The following NOPCHAP1 variants were observed in gnomAD, a reference collection of about 807,000 sequenced individuals.
NOPCHAP1 encodes NOP protein chaperone 1.
A neutral mutation model predicts 14.0 loss-of-function variants in NOPCHAP1; 13 were observed. The observed-to-expected ratio is 0.93, with a 90% CI of 0.60 to 1.47. The LOEUF (loss-of-function observed/expected upper bound fraction) is 1.47. Ranked by LOEUF, NOPCHAP1 falls within the 40% of genes most tolerant of loss-of-function variation. The probability of loss-of-function intolerance (pLI) is 0.00; values close to 1 mark genes in which losing one functional copy is unlikely to be tolerated. For synonymous variants in NOPCHAP1, 78 were observed against 78.4 expected (o/e 1.00, Z 0.03); for missense variants, 230 against 226.9 (o/e 1.01, Z -0.09).
At chr12:104,988,075 T>A in intron 1 of NOPCHAP1, 92 bp from the exon 2 acceptor site, 1 of 1,007,094 alleles carries the variant, frequency 9.9e-7, no homozygotes, top group Non-Finnish European at 1.5e-6. Flanking sequence ...GACAGTCAAG[T>A]CTTAAGACTG....
Position 105,013,954 on chromosome 12 carries a change from T to G in NOPCHAP1, c.*19258T>G, listed in dbSNP as rs1287416250. The stretch of plus-strand genomic sequence containing the variant: ...TCTCGCTGGGAGCTGCAGACCGGAG[T>G]TGTTCCTATTTGGCCATCTTGCCAG... On this transcript the variant is annotated 3_prime_UTR_variant, in exon 4 of 4. Coordinates refer to ENST00000552951, the MANE Select transcript of NOPCHAP1 (RefSeq NM_152318.3). 2 of 151,628 alleles carry G rather than the reference T, an allele frequency of 1.3e-5. No homozygotes were observed. Among genetic ancestry groups the G allele is most frequent in the East Asian group, 3.9e-4 (2 of 5,148 alleles). The allele number at this position is 151,628 out of a possible 1,614,324, so 9.4% of individuals were successfully genotyped here. A position where few individuals can be genotyped will look rare whatever the true frequency, so the allele number is the denominator to read the frequency against.
At position 104,994,424 on chromosome 12, in the gene NOPCHAP1, C is replaced by T. The variant is rs189558592; in HGVS notation, c.340-54C>T. The stretch of plus-strand genomic sequence containing the variant: ...GGTTCTTCCCAATATTGTTTTATTA[C>T]GACTTTTTAAGGAACTGCTCTGAAA... On this transcript the variant is annotated intron_variant, in intron 3 of 3. Coordinates refer to ENST00000552951, the MANE Select transcript of NOPCHAP1 (RefSeq NM_152318.3). 128 of 1,445,322 alleles carry T rather than the reference C, an allele frequency of 8.9e-5. No individual in the cohort carries two copies. In the African/African-American group the frequency reaches 1.4e-3, roughly 16 times the overall value. The allele number at this position is 1,445,322 out of a possible 1,614,324, so 89.5% of individuals were successfully genotyped here. A position where few individuals can be genotyped will look rare whatever the true frequency, so the allele number is the denominator to read the frequency against.
Position 105,005,788 on chromosome 12 carries a change from A to G in NOPCHAP1, c.*11092A>G, listed in dbSNP as rs1164806464. Reference sequence around the variant, plus strand: ...TCAGTTTCTCTAAAAATATGTCTATACAGTACCAATCTTCTACCATTTGCT... The same window carrying G: ...TCAGTTTCTCTAAAAATATGTCTATGCAGTACCAATCTTCTACCATTTGCT... On this transcript the variant is annotated 3_prime_UTR_variant, in exon 4 of 4. Transcript: ENST00000552951. 1 of 152,212 alleles carries G rather than the reference A, an allele frequency of 6.6e-6. No individual in the cohort carries two copies. The allele number at this position is 152,212 out of a possible 1,614,324, so 9.4% of individuals were successfully genotyped here. A position where few individuals can be genotyped will look rare whatever the true frequency, so the allele number is the denominator to read the frequency against.
At chr12:104,990,840 A>G (rs1213722461) in intron 2 of NOPCHAP1, among the ~76,000 whole-genome samples, 2 of 152,222 alleles carry the variant, frequency 1.3e-5, no homozygotes, top group Non-Finnish European at 2.9e-5. Context: ...CCTTAAGCAA[A>G]AAAAGAAATT....
chr12:104,992,791 G>C (rs1313730507), intron 3 of NOPCHAP1, among the ~76,000 whole-genome samples: 2 of 152,150 alleles, frequency 1.3e-5, no homozygotes, highest in African/African-American at 4.8e-5. Context: ...AGGTTGTTGT[G>C]CGCTCTTTAT....
In NOPCHAP1 at chr12:105,015,121, T is replaced by A. The variant is rs374897526; in HGVS notation, c.*20425T>A. Reference sequence around the variant, plus strand: ...TCTTATTGGAAATTGGAACCAGCTCTCCTTGACTGTGACTCACTCGCTAAA... The same window carrying A: ...TCTTATTGGAAATTGGAACCAGCTCACCTTGACTGTGACTCACTCGCTAAA... On this transcript the variant is annotated 3_prime_UTR_variant, in exon 4 of 4. Transcript: ENST00000552951. 43 of 152,372 alleles carry A rather than the reference T, an allele frequency of 2.8e-4. No homozygotes were observed. Among genetic ancestry groups the A allele is most frequent in the African/African-American group, 1.0e-3 (42 of 41,590 alleles). The allele number at this position is 152,372 out of a possible 1,614,324, so 9.4% of individuals were successfully genotyped here.
In NOPCHAP1 at chr12:104,986,487, G is replaced by A; in HGVS notation, c.115+20G>A. ...GCGGAGGTGACGGACGGGTGACGGC[G>A]GCATGGGCCGCACACGTGCGGCAGA... On this transcript the variant is annotated intron_variant, in intron 1 of 3. Coordinates refer to ENST00000552951, the MANE Select transcript of NOPCHAP1 (RefSeq NM_152318.3). 1 of 1,575,880 alleles carries A rather than the reference G, an allele frequency of 6.3e-7. No homozygotes were observed. Among genetic ancestry groups the A allele is most frequent in the Non-Finnish European group, 8.6e-7 (1 of 1,158,008 alleles).
chr12:104,989,042 A>G (rs76534636), intron 2 of NOPCHAP1, among the ~76,000 whole-genome samples: 15,927 of 150,566 alleles, frequency 0.11, 989 homozygotes, highest in East Asian at 0.17. Context: ...AGAAATTGCT[A>G]TTTTGCATTT....
In NOPCHAP1 at chr12:104,997,275, AG is replaced by A. The variant is rs1289849350; in HGVS notation, c.*2580del. The A allele has an allele frequency of 6.6e-6, 1 of 152,218 alleles. No homozygotes were observed. Among genetic ancestry groups the A allele is most frequent in the Non-Finnish European group, 1.5e-5 (1 of 68,044 alleles). The allele number at this position is 152,218 out of a possible 1,614,324, so 9.4% of individuals were successfully genotyped here. On this transcript the variant is annotated 3_prime_UTR_variant, in exon 4 of 4. Coordinates refer to ENST00000552951, the MANE Select transcript of NOPCHAP1 (RefSeq NM_152318.3). ...CTCCCTTCCAAAACTCTTGTAAGGC[AG>A]ATCTGATGTTAACAAATTCCCTTAG...
In NOPCHAP1 at chr12:104,995,027, G is replaced by C. The variant is rs1873469542; in HGVS notation, c.*331G>C. ...TAAGGCAAAGAGGAGACCTAAGGCT[G>C]CCTGATGTCCCATAGGTATGGTCTG... On this transcript the variant is annotated 3_prime_UTR_variant, in exon 4 of 4. Coordinates refer to ENST00000552951, the MANE Select transcript of NOPCHAP1 (RefSeq NM_152318.3). The C allele has an allele frequency of 3.2e-6, 1 of 315,306 alleles. No homozygotes were observed. Among genetic ancestry groups the C allele is most frequent in the Admixed American group, 5.1e-5 (1 of 19,588 alleles). The allele number at this position is 315,306 out of a possible 1,614,324, so 19.5% of individuals were successfully genotyped here.
chr12:104,989,915 T>C (rs1382343012), intron 2 of NOPCHAP1, among the ~76,000 whole-genome samples: 1 of 152,240 alleles, frequency 6.6e-6, no homozygotes, highest in Non-Finnish European at 1.5e-5. Flanking sequence ...TCAAGGTAGA[T>C]ACAGTTTCCA....
intron 2 of NOPCHAP1, among the ~76,000 whole-genome samples, chr12:104,991,441 A>C (rs779804285): frequency 6.6e-6 from 1 of 152,186 alleles, no homozygotes; most frequent in Non-Finnish European, 1.5e-5. Context: ...CTGCCTCCCT[A>C]TTTAGTTACT....
chr12:104,987,533 G>A (rs1304299679), intron 1 of NOPCHAP1, among the ~76,000 whole-genome samples: 1 of 152,202 alleles, frequency 6.6e-6, no homozygotes, highest in Non-Finnish European at 1.5e-5. Context: ...TAACCAGAGA[G>A]TTAAGGGATT....
At position 105,015,877 on chromosome 12, in the gene NOPCHAP1, A is replaced by G. The variant is rs1175210355; in HGVS notation, c.*21181A>G. On this transcript the variant is annotated 3_prime_UTR_variant, in exon 4 of 4. Coordinates refer to ENST00000552951, the MANE Select transcript of NOPCHAP1 (RefSeq NM_152318.3). The stretch of plus-strand genomic sequence containing the variant: ...AGATTAGATTCTCTAGCCTCATATC[A>G]TATGCAAAGATAAATTATATATGGA... 3.3e-5 allele frequency: 5 copies of G among 152,242 alleles called. No individual in the cohort carries two copies. Among genetic ancestry groups the G allele is most frequent in the Admixed American group, 1.3e-4 (2 of 15,284 alleles). The allele number at this position is 152,242 out of a possible 1,614,324, so 9.4% of individuals were successfully genotyped here. A position where few individuals can be genotyped will look rare whatever the true frequency, so the allele number is the denominator to read the frequency against.
At position 105,009,514 on chromosome 12, in the gene NOPCHAP1, G is replaced by A. The variant is rs575806720; in HGVS notation, c.*14818G>A. On this transcript the variant is annotated 3_prime_UTR_variant, in exon 4 of 4. Transcript: ENST00000552951. ...TCCAATACTATGTTGAATAGGAGTGGTGAGAGAGGGCATCCTTGTTTTGTG... is the reference window on the plus strand; with the variant it reads ...TCCAATACTATGTTGAATAGGAGTGATGAGAGAGGGCATCCTTGTTTTGTG... 6.6e-6 allele frequency: 1 copy of A among 152,264 alleles called. No individual in the cohort carries two copies. The highest frequency in any genetic ancestry group is 1.5e-5 in the Non-Finnish European group (1 of 68,032). The allele number at this position is 152,264 out of a possible 1,614,324, so 9.4% of individuals were successfully genotyped here.
At chr12:104,991,013 G>C (rs929272373) in intron 2 of NOPCHAP1, among the ~76,000 whole-genome samples, 2 of 152,138 alleles carry the variant, frequency 1.3e-5, no homozygotes, top group African/African-American at 4.8e-5. Context: ...CCCAGGTGTG[G>C]AGAGTTGCCA....
At chr12:104,986,491 T>C (rs1241015615) in intron 1 of NOPCHAP1, 24 bp downstream of exon 1, 1 of 1,570,230 alleles carries the variant, frequency 6.4e-7, no homozygotes, top group Non-Finnish European at 8.7e-7. Flanking sequence ...GACGGCGGCA[T>C]GGGCCGCACA....
chr12:104,993,324 C>T (rs537069509), intron 3 of NOPCHAP1, among the ~76,000 whole-genome samples: 2 of 152,132 alleles, frequency 1.3e-5, no homozygotes, highest in Non-Finnish European at 2.9e-5. Flanking sequence ...CAGCCACTGA[C>T]AATACATACA....
At chr12:104,989,469 C>A (rs750546315) in intron 2 of NOPCHAP1, among the ~76,000 whole-genome samples, 2 of 152,124 alleles carry the variant, frequency 1.3e-5, no homozygotes, top group Non-Finnish European at 2.9e-5. Flanking sequence ...ACTTTCTTTT[C>A]AGTGGCATTG....
Sources: gnomAD v4.1 joint callset for allele counts (sites outside exome capture counted in the v4.1 genomes callset) on GRCh38, gnomAD v4.1.1 for gene constraint, MANE v1.5 for transcripts, NCBI Gene and HGNC (gene_info 2026-07-23, HGNC 2026-07-21) for gene names.